ESRRG: variants seen among roughly 807,000 people sequenced by gnomAD.
ESRRG encodes the protein estrogen related receptor gamma.
ESRRG carries 13 observed loss-of-function variants against 44.0 expected under a neutral mutation model. The observed-to-expected ratio is 0.30, with a 90% CI of 0.19 to 0.47. The LOEUF is 0.47. Ranked by LOEUF, ESRRG falls within the 20% of genes least tolerant of loss-of-function variation. The probability of loss-of-function intolerance (pLI) is 1.00; values close to 1 mark genes in which losing one functional copy is unlikely to be tolerated. For synonymous variants in ESRRG, 215 were observed against 214.6 expected, an observed-to-expected ratio of 1.00 and a Z score of -0.02; for missense variants, 395 against 580.6, an observed-to-expected ratio of 0.68 and a Z score of 3.29.
chr1:217,038,876 C>T (rs545866728), intron 1 of ESRRG, among the ~76,000 whole-genome samples: 1 of 152,300 alleles, frequency 6.6e-6, no homozygotes, highest in African/African-American at 2.4e-5. Flanking sequence ...GAACTTTTAT[C>T]CTCCATTTCC....
chr1:217,036,051 T>C (rs1004243970), intron 1 of ESRRG, among the ~76,000 whole-genome samples: 2 of 152,112 alleles, frequency 1.3e-5, no homozygotes, highest in Non-Finnish European at 2.9e-5. Flanking sequence ...CCAACAATCA[T>C]AGGAAGAAAA....
chr1:217,071,716 T>C (rs966185643), intron 1 of ESRRG, among the ~76,000 whole-genome samples: 2 of 152,226 alleles, frequency 1.3e-5, no homozygotes, highest in Non-Finnish European at 2.9e-5. Context: ...ACTGAATGCT[T>C]ACTGTATGCC....
chr1:216,575,795 A>C (rs749744352), intron 3 of ESRRG, among the ~76,000 whole-genome samples: 43 of 152,198 alleles, frequency 2.8e-4, no homozygotes, highest in Non-Finnish European at 4.7e-4. Context: ...GCAGATGAAA[A>C]CCAATTATGG....
intron 1 of ESRRG, among the ~76,000 whole-genome samples, chr1:216,697,925 T>A (rs531138210): frequency 2.8e-4 from 42 of 152,288 alleles, no homozygotes; most frequent in Middle Eastern, 3.4e-3. Flanking sequence ...CCAAGAGCCA[T>A]GGAAACTTCT....
intron 5 of ESRRG, among the ~76,000 whole-genome samples, chr1:216,540,630 G>T (rs1370554521): frequency 1.3e-5 from 2 of 151,934 alleles, no homozygotes; most frequent in African/African-American, 2.4e-5. Flanking sequence ...TAAAGATGTA[G>T]ATGTAATAGT....
In ESRRG at chr1:217,128,637, C is replaced by T. The variant is rs563203052; in HGVS notation, c.-230+9030G>A. 3.9e-5 allele frequency among the ~76,000 whole-genome samples: 6 copies of T among 152,286 alleles called. No individual in the cohort carries two copies. In the East Asian group the frequency reaches 1.2e-3, roughly 29 times the overall value. ...TCATCCTGAGATAAAAGATCTCATT[C>T]ATAGGCTAGACACCTTATCTGAATA... is the stretch of plus-strand genomic sequence containing the variant. On this transcript the variant is annotated intron_variant, in intron 1 of 8. Coordinates refer to the ESRRG transcript ENST00000366940.
chr1:216,860,872 T>A (rs969193447), intron 2 of ESRRG, among the ~76,000 whole-genome samples: 5 of 152,104 alleles, frequency 3.3e-5, no homozygotes, highest in Non-Finnish European at 7.4e-5. Flanking sequence ...TCTTTAACAA[T>A]GTACTGTTTA....
At chr1:216,774,745 TA>T (rs2093528397) in intron 2 of ESRRG, among the ~76,000 whole-genome samples, 1 of 150,694 alleles carries the variant, frequency 6.6e-6, no homozygotes, top group African/African-American at 2.4e-5. Flanking sequence ...TAAAAAGGAA[TA>T]TAGAAACAAT....
At chr1:216,601,158 C>T (rs937855217) in intron 3 of ESRRG, among the ~76,000 whole-genome samples, 2 of 152,056 alleles carry the variant, frequency 1.3e-5, no homozygotes, top group African/African-American at 4.8e-5. Flanking sequence ...GCAGGCTGCC[C>T]CGGGCTCCCG....
intron 1 of ESRRG, among the ~76,000 whole-genome samples, chr1:217,039,361 G>A (rs1384128819): frequency 6.6e-6 from 1 of 152,178 alleles, no homozygotes; most frequent in Admixed American, 6.5e-5. Flanking sequence ...ATGTACCCGA[G>A]ACTGGGCAAT....
At chr1:216,897,984 G>T (rs2058615915) in intron 2 of ESRRG, among the ~76,000 whole-genome samples, 1 of 152,046 alleles carries the variant, frequency 6.6e-6, no homozygotes, top group African/African-American at 2.4e-5. Flanking sequence ...GCATACGATA[G>T]GCTTTCCTCA....
chr1:216,813,013 G>A (rs1465459713), intron 2 of ESRRG, among the ~76,000 whole-genome samples: 2 of 152,184 alleles, frequency 1.3e-5, no homozygotes, highest in South Asian at 4.1e-4. Flanking sequence ...AAAGAATGCT[G>A]TGCAGCTGAA....
intron 2 of ESRRG, among the ~76,000 whole-genome samples, chr1:216,773,472 C>G (rs1398835031): frequency 6.6e-6 from 1 of 152,088 alleles, no homozygotes; most frequent in African/African-American, 2.4e-5. Flanking sequence ...CCTTTGGGAT[C>G]TTCCCACTTT....
intron 2 of ESRRG, among the ~76,000 whole-genome samples, chr1:216,738,737 A>C (rs1445334452): frequency 6.6e-6 from 1 of 152,212 alleles, no homozygotes; most frequent in African/African-American, 2.4e-5. Context: ...AACAAAAAAA[A>C]TTCTAGGACT....
At position 216,783,321 on chromosome 1, in the gene ESRRG, C is replaced by T. The variant is rs77824891; in HGVS notation, c.-13-105830G>A. Among the ~76,000 whole-genome samples, 1,090 of 152,084 alleles carry T rather than the reference C, an allele frequency of 7.2e-3. 51 individuals are homozygous for T. In the East Asian group the frequency reaches 0.13, roughly 19 times the overall value. On this transcript the variant is annotated intron_variant, in intron 2 of 7. Transcript: ENST00000359162. ...GGACTAATGACAACTACCACACATG[C>T]GAGATGTTTGTGAGAGCTATGCTAC...
intron 1 of ESRRG, among the ~76,000 whole-genome samples, chr1:217,040,683 T>G (rs1220033518): frequency 2.6e-5 from 4 of 152,208 alleles, no homozygotes; most frequent in African/African-American, 9.6e-5. Flanking sequence ...TCCTGTGAGC[T>G]TATTTGTTTT....
intron 2 of ESRRG, among the ~76,000 whole-genome samples, chr1:216,843,372 G>T (rs2095685515): frequency 6.6e-6 from 1 of 152,018 alleles, no homozygotes; most frequent in East Asian, 1.9e-4. Context: ...TGTTAGGCAG[G>T]TCGGAAAGAC....
chr1:216,820,790 T>C (rs1273748567), intron 2 of ESRRG, among the ~76,000 whole-genome samples: 3 of 152,216 alleles, frequency 2.0e-5, no homozygotes, highest in African/African-American at 7.2e-5. Flanking sequence ...GTGTCACATA[T>C]GATGGGGCAG....
intron 1 of ESRRG, among the ~76,000 whole-genome samples, chr1:217,125,759 T>C (rs1299854959): frequency 2.0e-5 from 3 of 152,200 alleles, no homozygotes; most frequent in African/African-American, 7.2e-5. Flanking sequence ...ACATTAAAAA[T>C]ATGTTGGTAT....
Sources: allele counts gnomAD v4.1 joint callset (sites outside exome capture counted in the v4.1 genomes callset), GRCh38; gene constraint gnomAD v4.1.1; transcripts MANE v1.5; gene names NCBI Gene and HGNC (gene_info 2026-07-23, HGNC 2026-07-21).